Variants in NAALADL2 observed in about 807,000 individuals in gnomAD.
The protein encoded by NAALADL2 is N-acetylated alpha-linked acidic dipeptidase like 2.
A neutral mutation model predicts 87.2 loss-of-function variants in NAALADL2; 76 were observed. That is an observed-to-expected ratio of 0.87 (90% CI 0.72 to 1.05). The LOEUF (loss-of-function observed/expected upper bound fraction) is 1.05. NAALADL2 is among the 50% of genes least tolerant of loss of function. The pLI is 0.00. For synonymous variants in NAALADL2, 354 were observed against 331.0 expected (o/e 1.07, Z -0.75); for missense variants, 1,089 against 945.8 (o/e 1.15, Z -1.99).
chr3:175,099,906 T>G (rs541381197), intron 2 of NAALADL2, among the ~76,000 whole-genome samples: 1 of 152,022 alleles, frequency 6.6e-6, no homozygotes, highest in African/African-American at 2.4e-5. Flanking sequence ...AATGCATGAA[T>G]AAATGAGAAA....
intron 2 of NAALADL2, among the ~76,000 whole-genome samples, chr3:175,228,050 G>C (rs961961239): frequency 7.2e-5 from 11 of 151,856 alleles, no homozygotes; most frequent in Admixed American, 1.3e-4. Flanking sequence ...ACAATCATGT[G>C]TATCCAAAAA....
chr3:175,796,690 C>T (rs1466706734), intron 13 of NAALADL2, among the ~76,000 whole-genome samples: 1 of 152,200 alleles, frequency 6.6e-6, no homozygotes, highest in Non-Finnish European at 1.5e-5. Context: ...ACTTTTCTCT[C>T]TGCATTCAGC....
At chr3:174,707,380 A>T (rs1477605814) in intron 2 of NAALADL2, among the ~76,000 whole-genome samples, 1 of 152,166 alleles carries the variant, frequency 6.6e-6, no homozygotes, top group Non-Finnish European at 1.5e-5. Flanking sequence ...ACAATAGCAA[A>T]GACTTGGAAC....
At position 174,505,214 on chromosome 3, in the gene NAALADL2, C is replaced by T. The variant is rs973993353; in HGVS notation, c.-183-45355C>T. Reference sequence around the variant, plus strand: ...TTCACCACTATCTCCATAATCTCTACTTCACTGAGTTTCATCCAGGTGCAA... The same window carrying T: ...TTCACCACTATCTCCATAATCTCTATTTCACTGAGTTTCATCCAGGTGCAA... On this transcript the variant is annotated intron_variant, in intron 1 of 3. Transcript: ENST00000434257. Among the ~76,000 whole-genome samples the T allele has an allele frequency of 3.3e-5, 5 of 152,146 alleles. No individual in the cohort carries two copies. The South Asian group carries it at 6.2e-4, about 19-fold the overall frequency.
chr3:175,237,413 G>C (rs879421684), intron 3 of NAALADL2, among the ~76,000 whole-genome samples: 7 of 151,976 alleles, frequency 4.6e-5, no homozygotes, highest in Non-Finnish European at 1.0e-4. Flanking sequence ...TTATTTCCTT[G>C]ACAATTTCAA....
intron 1 of NAALADL2, among the ~76,000 whole-genome samples, chr3:174,883,650 AG>A: frequency 6.6e-6 from 1 of 152,296 alleles, no homozygotes; most frequent in African/African-American, 2.4e-5. Flanking sequence ...TGACAATTAC[AG>A]CCCTCGTTTC....
intron 2 of NAALADL2, among the ~76,000 whole-genome samples, chr3:174,731,807 C>G (rs1237185779): frequency 2.0e-5 from 3 of 152,126 alleles, no homozygotes; most frequent in Non-Finnish European, 4.4e-5. Flanking sequence ...CATTATCAAA[C>G]CACAATGCTT....
At chr3:175,103,826 C>T (rs1412360609) in intron 2 of NAALADL2, among the ~76,000 whole-genome samples, 2 of 152,030 alleles carry the variant, frequency 1.3e-5, no homozygotes, top group Non-Finnish European at 2.9e-5. Flanking sequence ...ATCTTAGAAC[C>T]CTTCATTTTA....
At chr3:175,692,175 C>T (rs2149920898) in intron 11 of NAALADL2, among the ~76,000 whole-genome samples, 1 of 152,086 alleles carries the variant, frequency 6.6e-6, no homozygotes, top group South Asian at 2.1e-4. Flanking sequence ...TGGGACTTAC[C>T]TATGTTCATA....
chr3:174,991,867 G>C (rs1023716971), intron 1 of NAALADL2, among the ~76,000 whole-genome samples: 1 of 152,026 alleles, frequency 6.6e-6, no homozygotes, highest in Admixed American at 6.6e-5. Context: ...GAAAGGTAAC[G>C]TTTGTATGAA....
At chr3:175,334,251 C>T (rs141799813) in intron 5 of NAALADL2, among the ~76,000 whole-genome samples, 13 of 152,014 alleles carry the variant, frequency 8.6e-5, no homozygotes, top group African/African-American at 4.8e-5. Context: ...ATTAGATAGA[C>T]AGATAGATAG....
intron 10 of NAALADL2, among the ~76,000 whole-genome samples, chr3:175,622,403 A>G (rs1726356702): frequency 6.6e-6 from 1 of 152,108 alleles, no homozygotes. Context: ...TAAAATCTTA[A>G]AACGAACTCT....
intron 2 of NAALADL2, among the ~76,000 whole-genome samples, chr3:174,602,566 C>CT (rs1718564893): frequency 6.6e-6 from 1 of 151,686 alleles, no homozygotes; most frequent in Non-Finnish European, 1.5e-5. Flanking sequence ...AATTATATTT[C>CT]AAATATAATT....
chr3:175,193,159 C>T (rs912548351), intron 2 of NAALADL2, among the ~76,000 whole-genome samples: 1 of 151,668 alleles, frequency 6.6e-6, no homozygotes, highest in Admixed American at 6.6e-5. Flanking sequence ...AGAACAGCAA[C>T]AAAATCAAAT....
chr3:174,780,035 G>A (rs576963959), intron 3 of NAALADL2, among the ~76,000 whole-genome samples: 1 of 152,076 alleles, frequency 6.6e-6, no homozygotes, highest in Non-Finnish European at 1.5e-5. Flanking sequence ...GATGGGGATA[G>A]CATTGAATCT....
chr3:175,508,474 C>T (rs1418312030), intron 9 of NAALADL2, among the ~76,000 whole-genome samples: 2 of 152,106 alleles, frequency 1.3e-5, no homozygotes, highest in Non-Finnish European at 2.9e-5. Flanking sequence ...ATGAGTTATC[C>T]ATTTACTTAA....
intron 2 of NAALADL2, among the ~76,000 whole-genome samples, chr3:175,149,367 T>C (rs529836221): frequency 6.6e-6 from 1 of 152,278 alleles, no homozygotes; most frequent in South Asian, 2.1e-4. Flanking sequence ...AGGCCTATTT[T>C]AACATCAAAA....
chr3:174,842,386 G>T (rs1050556140), intron 3 of NAALADL2, among the ~76,000 whole-genome samples: 1 of 152,102 alleles, frequency 6.6e-6, no homozygotes, highest in Admixed American at 6.6e-5. Context: ...TTCAGGTGTT[G>T]CTTACATGGC....
At chr3:174,597,408 G>T (rs1718022857) in intron 2 of NAALADL2, among the ~76,000 whole-genome samples, 1 of 152,132 alleles carries the variant, frequency 6.6e-6, no homozygotes. Context: ...CACAGTTCAG[G>T]CATAGTAAAC....
Sources: gnomAD v4.1 joint callset for allele counts (sites outside exome capture counted in the v4.1 genomes callset) on GRCh38, gnomAD v4.1.1 for gene constraint, MANE v1.5 for transcripts, NCBI Gene and HGNC (gene_info 2026-07-23, HGNC 2026-07-21) for gene names.